HCFC1: variants seen among roughly 807,000 people sequenced by gnomAD.
HCFC1 encodes the protein host cell factor C1.
In HCFC1, 7 loss-of-function variants were observed where a neutral mutation model predicts 105.5. The observed-to-expected ratio is 0.07, with a 90% CI of 0.04 to 0.12. The LOEUF (loss-of-function observed/expected upper bound fraction) is 0.12. Among genes scored for constraint, HCFC1 ranks in the 10% least tolerant of loss-of-function variants. HCFC1 has a pLI of 1.00. For missense variants in HCFC1, 1,065 were observed against 1,823.6 expected (o/e 0.58, Z 7.58); for synonymous variants, 918 against 828.1 (o/e 1.11, Z -1.86).
chrX:153,955,847 C>A (rs1242567543), intron 16 of HCFC1, among the ~76,000 whole-genome samples: 5 of 112,959 alleles, frequency 4.4e-5, no homozygotes, highest in Non-Finnish European at 9.4e-5. Flanking sequence ...CCTCAATGCT[C>A]AAAGGCCAAC....
chrX:153,963,349 T>C lies in HCFC1; in HGVS notation c.588A>G (p.Leu196=), dbSNP rs1027008091. The C allele has an allele frequency of 2.5e-6, 3 of 1,205,186 alleles. No individual in the cohort carries two copies. The highest frequency in any genetic ancestry group is 1.8e-5 in the African/African-American group (1 of 57,136). ...AWDIPITYGV[L]PPPRESHTAV... ...CAGTATGTGACTCCCGGGGTGGTGG[T>C]AGGACCCCGTAAGTGATGGGAATGT... is the stretch of plus-strand genomic sequence containing the variant. Residue 196 remains leucine (L), a synonymous_variant, in exon 4 of 26, where the codon CTA becomes CTG. Transcript: ENST00000310441.
In HCFC1 at chrX:153,955,128, CGGTGTTGGT is replaced by C. The variant is rs782033572; in HGVS notation, c.3262_3270del (p.Thr1088_Thr1090del). The C allele has an allele frequency of 8.3e-7, 1 of 1,208,674 alleles. No homozygotes were observed. The highest frequency in any genetic ancestry group is 1.1e-6 in the Non-Finnish European group (1 of 894,589). On this transcript the variant is annotated inframe_deletion, in exon 17 of 26. Coordinates refer to ENST00000310441, the MANE Select transcript of HCFC1 (RefSeq NM_005334.3). ...GCCATGTTGGAGGTGGCGGTGGTGG[CGGTGTTGGT>C]GGTGCCCGTCTCGTGGGTCTCGCAG...
rs782358679 is a variant in HCFC1 at position 153,964,189 on chromosome X, G to A, written c.438C>T (p.Gly146=). 8.3e-7 allele frequency: 1 copy of A among 1,208,128 alleles called. No homozygotes were observed. The highest frequency in any genetic ancestry group is 2.2e-5 in the Admixed American group (1 of 45,910). ...PRLGHSFSLV[G]NKCYLFGGLA... ...GACCCCCAAACAGGTAGCATTTGTT[G>A]CCCACAAGGGAGAAGCTGTGCCCGA... The change falls in exon 3 of 26, where the codon GGC becomes GGT. Residue 146 remains glycine, a synonymous_variant. Transcript: ENST00000310441.
intron 1 of HCFC1, among the ~76,000 whole-genome samples, chrX:153,968,793 C>T (rs2065496892): frequency 8.9e-6 from 1 of 112,920 alleles, no homozygotes; most frequent in Admixed American, 9.3e-5. Context: ...GAGCCTGCTC[C>T]AGGCCTTATG....
rs1476420165 is a variant in HCFC1 at position 153,971,798 on chromosome X, C to T, written c.-958G>A. On this transcript the variant is annotated 5_prime_UTR_variant, in exon 1 of 26. Coordinates refer to ENST00000310441, the MANE Select transcript of HCFC1 (RefSeq NM_005334.3). ...ACGGCAGGGCGCTCATGCCTCCTCC[C>T]TGGGAGCCGCCATCTTGTGTGAAGA... 1.7e-5 allele frequency: 5 copies of T among 295,813 alleles called. 1 individual carries two copies. The highest frequency in any genetic ancestry group is 9.5e-5 in the East Asian group (2 of 20,964). The allele number at this position is 295,813 out of a possible 1,213,427, so 24.4% of individuals were successfully genotyped here.
At chrX:153,958,963 G>A (rs923564966) in intron 9 of HCFC1, among the ~76,000 whole-genome samples, 197 bp from the exon 10 acceptor site, 2 of 112,699 alleles carry the variant, frequency 1.8e-5, no homozygotes, top group Non-Finnish European at 3.8e-5. Context: ...CACCATGCAC[G>A]GCAACCCCCG....
Position 153,971,789 on chromosome X carries a change from G to A in HCFC1, c.-949C>T, listed in dbSNP as rs2065538152. On this transcript the variant is annotated 5_prime_UTR_variant, in exon 1 of 26. Coordinates refer to ENST00000310441, the MANE Select transcript of HCFC1 (RefSeq NM_005334.3). ...GAAGCGGTAACGGCAGGGCGCTCATGCCTCCTCCCTGGGAGCCGCCATCTT... is the reference window on the plus strand; with the variant it reads ...GAAGCGGTAACGGCAGGGCGCTCATACCTCCTCCCTGGGAGCCGCCATCTT... The A allele has an allele frequency of 6.7e-6, 2 of 296,707 alleles. No individual in the cohort carries two copies. Among genetic ancestry groups the A allele is most frequent in the Non-Finnish European group, 1.2e-5 (2 of 169,711 alleles). 24.5% of individuals were successfully genotyped at this position (296,707 alleles called of 1,213,427 possible).
intron 1 of HCFC1, among the ~76,000 whole-genome samples, 190 bp from the exon 2 acceptor site, chrX:153,964,916 G>A (rs782306686): frequency 8.9e-6 from 1 of 112,293 alleles, no homozygotes; most frequent in African/African-American, 3.2e-5. Context: ...GTGCAAAAGA[G>A]CCTGTGACCA....
At position 153,952,757 on chromosome X, in the gene HCFC1, C is replaced by G. The variant is rs782653065; in HGVS notation, c.4699G>C (p.Val1567Leu). ...GGTGGCTGGACCACCACAGTGGCCA[C>G]CACCGCAGAGCCGGCAGACTCCTGG... ...SGQESAGSAV[V>L]ATVVVQPPPP... The change falls in exon 19 of 26, where the codon GTG (valine) becomes CTG (leucine). Residue 1567 changes from valine (V) to leucine (L), a missense_variant. Val to Leu is a conservative substitution (Grantham distance 32). Around this residue, in one of 17 missense-constraint regions of HCFC1, gnomAD observed 546 missense variants for 599.9 expected, o/e 0.91. Transcript: ENST00000310441. The G allele has an allele frequency of 8.3e-7, 1 of 1,209,250 alleles. No homozygotes were observed. Among genetic ancestry groups the G allele is most frequent in the South Asian group, 1.8e-5 (1 of 56,852 alleles).
chrX:153,954,173 G>C lies in HCFC1; in HGVS notation c.4226C>G (p.Ala1409Gly), dbSNP rs782540354. ...GCACACCCTCTGTGTTGGGAAAGGA[G>C]CCAGCAGCGCGGTGCCAGCCTGGGG... Reference protein sequence around the residue: ...VTPQAGTALLAPFPTQRVCSN... With the variant: ...VTPQAGTALLGPFPTQRVCSN... Residue 1409 changes from alanine to glycine, a missense_variant, in exon 17 of 26, where the codon GCT becomes GGT. Ala to Gly is a moderately conservative substitution (Grantham distance 60, BLOSUM62 0). Coordinates refer to ENST00000310441, the MANE Select transcript of HCFC1 (RefSeq NM_005334.3). 3 of 1,200,919 alleles carry C rather than the reference G, an allele frequency of 2.5e-6. No homozygotes were observed. Among genetic ancestry groups the C allele is most frequent in the Non-Finnish European group, 2.2e-6 (2 of 891,977 alleles).
At chrX:153,950,738 C>T (rs1486257096) in intron 23 of HCFC1, 75 bp downstream of exon 23, 21 of 1,045,891 alleles carry the variant, frequency 2.0e-5, no homozygotes, top group Admixed American at 4.7e-5. Context: ...TCCTATGCCC[C>T]CCCCCGGCCA....
rs782257941 is a variant in HCFC1 at position 153,951,574 on chromosome X, A to G, written c.5379+15T>C. 3.3e-6 allele frequency: 4 copies of G among 1,206,363 alleles called. No individual in the cohort carries two copies. In the East Asian group the frequency reaches 1.2e-4, roughly 36 times the overall value. On this transcript the variant is annotated intron_variant, in intron 21 of 25. Transcript: ENST00000310441. ...CCAGGCCACGGACTCAGGAGCCCCA[A>G]CACACCCGACTCACCACACCCAGGG...
chrX:153,950,153 G>GA (rs1490087506), intron 24 of HCFC1, 90 bp downstream of exon 24: 25 of 967,834 alleles, frequency 2.6e-5, no homozygotes, highest in East Asian at 6.4e-5. Context: ...CCGCACATGG[G>GA]AAAAAATCTC....
At chrX:153,957,970 A>AG in intron 11 of HCFC1, 55 bp downstream of exon 11, 1 of 1,157,687 alleles carries the variant, frequency 8.6e-7, no homozygotes, top group South Asian at 1.8e-5. Context: ...GAGCTGGCCC[A>AG]GGGCGGCCAT....
intron 15 of HCFC1, 24 bp from the exon 16 acceptor site, chrX:153,956,435 G>A (rs1557114985): frequency 8.5e-7 from 1 of 1,181,290 alleles, no homozygotes; most frequent in Admixed American, 2.2e-5. Context: ...GGCAAGAGTT[G>A]GGCCAAGGCT....
chrX:153,954,344 G>A lies in HCFC1; in HGVS notation c.4055C>T (p.Pro1352Leu), dbSNP rs1557113706. 8.3e-7 allele frequency: 1 copy of A among 1,202,996 alleles called. No individual in the cohort carries two copies. The highest frequency in any genetic ancestry group is 2.2e-5 in the Admixed American group (1 of 45,452). The change falls in exon 17 of 26, where the codon CCT becomes CTT. Residue 1352 changes from proline to leucine, a missense_variant. Transcript: ENST00000310441. ...GTGTGTCTCACAGGGGCGACCAGCA[G>A]GGGGCTGCTGCCCACCCTCGGGCTG... The part of the protein sequence containing the change: ...TGQPEGGQQP[P>L]AGRPCETHQT...
At position 153,955,058 on chromosome X, in the gene HCFC1, G is replaced by A. The variant is rs373753660; in HGVS notation, c.3341C>T (p.Thr1114Met). The A allele has an allele frequency of 1.3e-5, 16 of 1,209,633 alleles. No individual in the cohort carries two copies. In the African/African-American group the frequency reaches 1.7e-4, roughly 13 times the overall value. The change falls in exon 17 of 26, where the codon ACG (threonine) becomes ATG (methionine). Residue 1114 changes from threonine (T) to methionine (M), a missense_variant. Thr to Met is a moderately conservative substitution (Grantham distance 81). Around this residue, in one of 17 missense-constraint regions of HCFC1, gnomAD observed 546 missense variants for 599.9 expected, o/e 0.91. Coordinates refer to ENST00000310441, the MANE Select transcript of HCFC1 (RefSeq NM_005334.3). ...TGTAGTGGCAGTGTTGGTGGTGCCCGTCTCGTGGGTCTCGCAGGGTGGGTT... is the reference window on the plus strand; with the variant it reads ...TGTAGTGGCAGTGTTGGTGGTGCCCATCTCGTGGGTCTCGCAGGGTGGGTT... Reference protein sequence around the residue: ...CSNPPCETHETGTTNTATTAM... With the variant: ...CSNPPCETHEMGTTNTATTAM...
rs927345263 is a variant in HCFC1 at position 153,949,451 on chromosome X, G to C, written c.6069-65C>G. ...CCCTGCACCACTGGAGGCCCTGCTG[G>C]TGCAGGGCCGGTTAGGGGCCCCCAG... On this transcript the variant is annotated intron_variant, in intron 25 of 25. Coordinates refer to ENST00000310441, the MANE Select transcript of HCFC1 (RefSeq NM_005334.3). 9.5e-5 allele frequency: 106 copies of C among 1,112,189 alleles called. No individual in the cohort carries two copies. The African/African-American group carries it at 1.7e-3, about 18-fold the overall frequency. The allele number at this position is 1,112,189 out of a possible 1,213,427, so 91.7% of individuals were successfully genotyped here. A position where few individuals can be genotyped will look rare whatever the true frequency, so the allele number is the denominator to read the frequency against.
At chrX:153,956,551 C>T in intron 15 of HCFC1, 74 bp downstream of exon 15, 1 of 1,163,211 alleles carries the variant, frequency 8.6e-7, no homozygotes, top group South Asian at 1.8e-5. Flanking sequence ...CCCAGCTGTG[C>T]CATGGGGATT....
Sources: allele counts gnomAD v4.1 joint callset (sites outside exome capture counted in the v4.1 genomes callset), GRCh38; gene constraint gnomAD v4.1.1; regional missense constraint gnomAD v4.1.1; transcripts MANE v1.5; gene names NCBI Gene and HGNC (gene_info 2026-07-23, HGNC 2026-07-21).